NEIL3: variants seen among roughly 807,000 people sequenced by gnomAD.
NEIL3 encodes nei like DNA glycosylase 3, also known as endonuclease 8-like 3.
A neutral mutation model predicts 57.5 loss-of-function variants in NEIL3; 48 were observed. The observed-to-expected ratio is 0.83, with a 90% CI of 0.66 to 1.06. NEIL3 has a LOEUF of 1.06. NEIL3 is among the 50% of genes least tolerant of loss of function. NEIL3 has a pLI of 0.00. For synonymous variants in NEIL3, 261 were observed against 253.2 expected, an observed-to-expected ratio of 1.03 and a Z score of -0.29; for missense variants, 717 against 739.1, an observed-to-expected ratio of 0.97 and a Z score of 0.35.
intron 1 of NEIL3, among the ~76,000 whole-genome samples, chr4:177,321,449 A>T (rs770105524): frequency 1.3e-5 from 2 of 152,046 alleles, no homozygotes; most frequent in Non-Finnish European, 2.9e-5. Context: ...TATAAAACAT[A>T]TATAAATAAT....
chr4:177,363,843 C>T (rs1352246568), downstream of NEIL3, among the ~76,000 whole-genome samples: 4 of 152,090 alleles, frequency 2.6e-5, no homozygotes, highest in Non-Finnish European at 4.4e-5. Flanking sequence ...CTCAACCTGT[C>T]GGACTCAAGC....
At chr4:177,345,611 G>C (rs1735202776) in intron 6 of NEIL3, among the ~76,000 whole-genome samples, 1 of 150,524 alleles carries the variant, frequency 6.6e-6, no homozygotes, top group African/African-American at 2.4e-5. Context: ...TCGATCTCTT[G>C]GCCTCGTGAT....
chr4:177,315,068 CAAAAA>C (rs61100906), intron 1 of NEIL3, among the ~76,000 whole-genome samples: 40 of 106,458 alleles, frequency 3.8e-4, no homozygotes, highest in African/African-American at 1.1e-3. Context: ...GACTCCGTCT[CAAAAA>C]AAAAAAAAAA....
intron 8 of NEIL3, among the ~76,000 whole-genome samples, chr4:177,359,824 T>A (rs900726110): frequency 1.3e-5 from 2 of 152,222 alleles, no homozygotes; most frequent in African/African-American, 4.8e-5. Context: ...GCTTCTAGCC[T>A]GTGTACACTG....
chr4:177,324,665 C>G (rs1734745801), intron 2 of NEIL3, among the ~76,000 whole-genome samples: 1 of 152,126 alleles, frequency 6.6e-6, no homozygotes, highest in Non-Finnish European at 1.5e-5. Flanking sequence ...TTTCCACTAA[C>G]TCTTCAACTA....
chr4:177,348,647 C>T (rs962279541), intron 6 of NEIL3, among the ~76,000 whole-genome samples: 5 of 151,958 alleles, frequency 3.3e-5, no homozygotes, highest in African/African-American at 4.8e-5. Context: ...GCAGAGGACA[C>T]GTCAAGCCAT....
At chr4:177,352,557 G>A (rs887149049) in intron 7 of NEIL3, among the ~76,000 whole-genome samples, 11 of 152,020 alleles carry the variant, frequency 7.2e-5, no homozygotes, top group Admixed American at 5.2e-4. Flanking sequence ...CTGGCCAGTC[G>A]CGGTGGCTCA....
chr4:177,342,478 G>A (rs142935718), intron 6 of NEIL3, among the ~76,000 whole-genome samples: 3,049 of 152,184 alleles, frequency 0.02, 51 homozygotes, highest in Non-Finnish European at 0.032. Flanking sequence ...CAGCTGCATA[G>A]CAGTATATGT....
intron 6 of NEIL3, among the ~76,000 whole-genome samples, chr4:177,349,110 C>T (rs927765579): frequency 2.7e-5 from 4 of 148,530 alleles, no homozygotes; most frequent in African/African-American, 1.0e-4. Context: ...TCTCGATCTC[C>T]TGACCTTGTG....
chr4:177,326,440 A>C (rs373387428), intron 2 of NEIL3, among the ~76,000 whole-genome samples: 1 of 152,094 alleles, frequency 6.6e-6, no homozygotes, highest in East Asian at 1.9e-4. Context: ...CCTTTCACCA[A>C]TAATACACTG....
At chr4:177,346,103 C>T (rs1224763291) in intron 6 of NEIL3, among the ~76,000 whole-genome samples, 1 of 152,158 alleles carries the variant, frequency 6.6e-6, no homozygotes, top group Non-Finnish European at 1.5e-5. Context: ...CAACTGCTCT[C>T]TTGAAAATCA....
intron 8 of NEIL3, among the ~76,000 whole-genome samples, chr4:177,359,862 T>G (rs990594396): frequency 6.6e-6 from 1 of 152,248 alleles, no homozygotes; most frequent in Non-Finnish European, 1.5e-5. Flanking sequence ...CAAATACTCT[T>G]GATCCTAATT....
chr4:177,310,117 A>G lies in NEIL3; in HGVS notation c.156+8A>G, dbSNP rs1734449101. Reference sequence around the variant, plus strand: ...GTTGTGGTCTCCCCGCAGGTGAGCTACTCCTGTAACAGGCCATGCAGTCAG... The same window carrying G: ...GTTGTGGTCTCCCCGCAGGTGAGCTGCTCCTGTAACAGGCCATGCAGTCAG... On this transcript the variant is annotated splice_region_variant and intron_variant, in intron 1 of 9. Coordinates refer to ENST00000264596, the MANE Select transcript of NEIL3 (RefSeq NM_018248.3). 6.4e-7 allele frequency: 1 copy of G among 1,558,874 alleles called. No homozygotes were observed. The highest frequency in any genetic ancestry group is 8.6e-7 in the Non-Finnish European group (1 of 1,158,264).
chr4:177,353,416 C>T lies in NEIL3; in HGVS notation c.1148C>T (p.Thr383Ile), dbSNP rs560108259. 3 of 1,613,842 alleles carry T rather than the reference C, an allele frequency of 1.9e-6. No homozygotes were observed. The African/African-American group carries it at 4.0e-5, about 22-fold the overall frequency. The change falls in exon 8 of 10, where the codon ACT (threonine) becomes ATT (isoleucine). Residue 383 changes from threonine (T) to isoleucine (I), a missense_variant. Transcript: ENST00000264596. ...PHTEVKINRKTAFGTTTLVLT... is the reference protein window; with the variant it reads ...PHTEVKINRKIAFGTTTLVLT... Reference sequence around the variant, plus strand: ...ACAGAAGTCAAGATCAACAGAAAAACTGCATTTGGAACTACAACTCTTGTC... The same window carrying T: ...ACAGAAGTCAAGATCAACAGAAAAATTGCATTTGGAACTACAACTCTTGTC...
chr4:177,358,607 T>C (rs1018626788), intron 8 of NEIL3, among the ~76,000 whole-genome samples: 4 of 152,108 alleles, frequency 2.6e-5, no homozygotes, highest in African/African-American at 9.7e-5. Flanking sequence ...ATGCCCAGCC[T>C]GTGGCTATGT....
At chr4:177,322,101 T>A in intron 1 of NEIL3, among the ~76,000 whole-genome samples, 1 of 152,266 alleles carries the variant, frequency 6.6e-6, no homozygotes, top group East Asian at 1.9e-4. Context: ...TATATACTTC[T>A]GGAAATGGAA....
chr4:177,336,875 T>C (rs926953091), intron 4 of NEIL3, among the ~76,000 whole-genome samples: 1 of 152,148 alleles, frequency 6.6e-6, no homozygotes, highest in African/African-American at 2.4e-5. Flanking sequence ...TAGAAGCTGC[T>C]GTTGTGGAAG....
intron 1 of NEIL3, among the ~76,000 whole-genome samples, chr4:177,316,595 G>A (rs1398204223): frequency 6.6e-6 from 1 of 152,108 alleles, no homozygotes; most frequent in African/African-American, 2.4e-5. Flanking sequence ...GCAGGATGGG[G>A]ATGGTGGGAG....
chr4:177,354,072 C>A, intron 8 of NEIL3: 1 of 198,606 alleles, frequency 5.0e-6, no homozygotes, highest in South Asian at 1.0e-4. Context: ...CGGCTGGTTG[C>A]ATTAAGTTTT....
Sources: allele counts gnomAD v4.1 joint callset (sites outside exome capture counted in the v4.1 genomes callset), GRCh38; gene constraint gnomAD v4.1.1; transcripts MANE v1.5; gene names NCBI Gene and HGNC (gene_info 2026-07-23, HGNC 2026-07-21).